Variants in PRTFDC1 observed in about 807,000 individuals in gnomAD.
PRTFDC1 encodes the protein phosphoribosyl transferase domain containing 1, also known as phosphoribosyltransferase domain-containing protein 1.
In PRTFDC1, 38 loss-of-function variants were observed where a neutral mutation model predicts 34.6. The observed-to-expected ratio is 1.10, with a 90% CI of 0.85 to 1.44. The LOEUF (loss-of-function observed/expected upper bound fraction) is 1.44. Ranked by LOEUF, PRTFDC1 falls within the 40% of genes most tolerant of loss-of-function variation. The probability of loss-of-function intolerance (pLI) is 0.00; values close to 1 mark genes in which losing one functional copy is unlikely to be tolerated. For missense variants in PRTFDC1, 270 were observed against 283.0 expected, an observed-to-expected ratio of 0.95 and a Z score of 0.33; for synonymous variants, 93 against 98.1, an observed-to-expected ratio of 0.95 and a Z score of 0.31.
intron 3 of PRTFDC1, among the ~76,000 whole-genome samples, chr10:24,934,511 A>G (rs1048865552): frequency 6.6e-6 from 1 of 152,176 alleles, no homozygotes; most frequent in Non-Finnish European, 1.5e-5. Flanking sequence ...TTTACAATCT[A>G]TTCTCTCTGA....
intron 3 of PRTFDC1, among the ~76,000 whole-genome samples, chr10:24,926,402 G>C (rs1399755069): frequency 2.6e-5 from 4 of 152,122 alleles, no homozygotes; most frequent in Non-Finnish European, 4.4e-5. Flanking sequence ...TTTTGAGACG[G>C]AGTCTCATTC....
At chr10:24,920,333 C>T (rs990793606) in intron 3 of PRTFDC1, among the ~76,000 whole-genome samples, 4 of 149,104 alleles carry the variant, frequency 2.7e-5, no homozygotes, top group Admixed American at 2.7e-4. Flanking sequence ...ATATATATAC[C>T]ATGGAATACT....
chr10:24,929,944 T>C lies in PRTFDC1; in HGVS notation c.339+7240A>G, dbSNP rs115834224. Among the ~76,000 whole-genome samples the C allele has an allele frequency of 6.4e-3, 978 of 152,200 alleles. 14 individuals are homozygous for C. Among genetic ancestry groups the C allele is most frequent in the African/African-American group, 0.022 (930 of 41,524 alleles). ...TAAATCTGATTGCAGTCCTAGCTGT[T>C]TGGGAAGTTGAGGCAGGAGGATCAT... On this transcript the variant is annotated intron_variant, in intron 3 of 8. Coordinates refer to ENST00000320152, the MANE Select transcript of PRTFDC1 (RefSeq NM_020200.7).
At chr10:24,895,818 A>T (rs1848352136) in intron 3 of PRTFDC1, among the ~76,000 whole-genome samples, 1 of 150,770 alleles carries the variant, frequency 6.6e-6, no homozygotes, top group Non-Finnish European at 1.5e-5. Context: ...ATATCCCTTG[A>T]TGCAATTTTT....
chr10:24,949,391 C>T (rs1849301200), intron 1 of PRTFDC1, among the ~76,000 whole-genome samples: 1 of 152,028 alleles, frequency 6.6e-6, no homozygotes, highest in Non-Finnish European at 1.5e-5. Context: ...CCACCTGCCC[C>T]TTTTTAAAAC....
At chr10:24,877,382 A>C (rs77053920) in intron 3 of PRTFDC1, among the ~76,000 whole-genome samples, 3,975 of 152,144 alleles carry the variant, frequency 0.026, 173 homozygotes, top group African/African-American at 0.091. Flanking sequence ...TATTTCTTGG[A>C]TTGATGTTTG....
intron 3 of PRTFDC1, among the ~76,000 whole-genome samples, chr10:24,925,105 G>A (rs1054445033): frequency 3.3e-5 from 5 of 152,198 alleles, no homozygotes; most frequent in African/African-American, 1.2e-4. Flanking sequence ...TTAAGAAAAT[G>A]TGGCACATAT....
intron 3 of PRTFDC1, among the ~76,000 whole-genome samples, chr10:24,924,950 C>G (rs143393083): frequency 0.062 from 9,433 of 152,134 alleles, 420 homozygotes; most frequent in Non-Finnish European, 0.094. Context: ...TACCTTTGAC[C>G]CAGGGATCCC....
At chr10:24,927,064 G>A (rs924912528) in intron 3 of PRTFDC1, among the ~76,000 whole-genome samples, 4 of 152,106 alleles carry the variant, frequency 2.6e-5, no homozygotes, top group African/African-American at 9.7e-5. Context: ...TTACATAAAT[G>A]GGCTTTGGTT....
chr10:24,915,144 A>G (rs1399961263), intron 3 of PRTFDC1, among the ~76,000 whole-genome samples: 1 of 152,216 alleles, frequency 6.6e-6, no homozygotes, highest in Non-Finnish European at 1.5e-5. Context: ...CTTATTTTAT[A>G]GAAGAGAACA....
chr10:24,884,400 C>G (rs577498453), intron 3 of PRTFDC1, among the ~76,000 whole-genome samples: 1 of 152,192 alleles, frequency 6.6e-6, no homozygotes, highest in Admixed American at 6.5e-5. Context: ...ATCTTCATGT[C>G]CATGCTACCG....
chr10:24,863,116 T>G (rs895151418), intron 4 of PRTFDC1, among the ~76,000 whole-genome samples: 1 of 152,164 alleles, frequency 6.6e-6, no homozygotes, highest in Non-Finnish European at 1.5e-5. Flanking sequence ...TGACCTCAGG[T>G]GATCCGCTGG....
chr10:24,877,198 A>C (rs1847981654), intron 3 of PRTFDC1, among the ~76,000 whole-genome samples: 1 of 151,682 alleles, frequency 6.6e-6, no homozygotes, highest in Non-Finnish European at 1.5e-5. Flanking sequence ...ACCATGCCCG[A>C]CTAATTTTTT....
At chr10:24,937,782 T>C (rs1849079659) in intron 2 of PRTFDC1, among the ~76,000 whole-genome samples, 1 of 151,774 alleles carries the variant, frequency 6.6e-6, no homozygotes, top group Admixed American at 6.6e-5. Context: ...GGTCTCGAAC[T>C]CCTGACTTCA....
At chr10:24,882,481 T>G (rs1195164567) in intron 3 of PRTFDC1, among the ~76,000 whole-genome samples, 1 of 152,188 alleles carries the variant, frequency 6.6e-6, no homozygotes, top group Non-Finnish European at 1.5e-5. Context: ...TGAGCCAGAC[T>G]GAAACTTGTA....
intron 3 of PRTFDC1, among the ~76,000 whole-genome samples, chr10:24,893,363 A>G (rs960488752): frequency 6.6e-6 from 1 of 152,074 alleles, no homozygotes; most frequent in African/African-American, 2.4e-5. Context: ...ATCATAGCAC[A>G]TTGCAGCCTT....
rs1432968300 is a variant in PRTFDC1, at chr10:24,849,021, G to A, written c.*823C>T. Reference sequence around the variant, plus strand: ...AAGAGGAAAAATTTATACTTGCTTAGTTTCGAGCATTGAAAGCACTCGCCC... The same window carrying A: ...AAGAGGAAAAATTTATACTTGCTTAATTTCGAGCATTGAAAGCACTCGCCC... On this transcript the variant is annotated 3_prime_UTR_variant, in exon 9 of 9. Transcript: ENST00000320152. 1.3e-5 allele frequency: 2 copies of A among 152,194 alleles called. No homozygotes were observed. Among genetic ancestry groups the A allele is most frequent in the African/African-American group, 2.4e-5 (1 of 41,438 alleles). The allele number at this position is 152,194 out of a possible 1,614,324, so 9.4% of individuals were successfully genotyped here.
At chr10:24,883,180 T>C (rs1025300627) in intron 3 of PRTFDC1, among the ~76,000 whole-genome samples, 3 of 151,014 alleles carry the variant, frequency 2.0e-5, no homozygotes, top group Non-Finnish European at 4.4e-5. Context: ...TTTAGCTCAT[T>C]TGAAAGTACA....
chr10:24,881,376 A>G (rs1295638500), intron 3 of PRTFDC1, among the ~76,000 whole-genome samples: 1 of 152,046 alleles, frequency 6.6e-6, no homozygotes, highest in Non-Finnish European at 1.5e-5. Context: ...CTCTCAATGG[A>G]CAGCAGTCAC....
Sources: allele counts gnomAD v4.1 joint callset (sites outside exome capture counted in the v4.1 genomes callset), GRCh38; gene constraint gnomAD v4.1.1; transcripts MANE v1.5; gene names NCBI Gene and HGNC (gene_info 2026-07-23, HGNC 2026-07-21).